XPO6: variants seen among roughly 807,000 people sequenced by gnomAD.
XPO6 encodes exportin-6.
XPO6 carries 3 observed loss-of-function variants against 130.0 expected under a neutral mutation model. That is an observed-to-expected ratio of 0.02 (90% CI 0.01 to 0.06). The LOEUF is 0.06. Among genes scored for constraint, XPO6 ranks in the 10% least tolerant of loss-of-function variants. The probability of loss-of-function intolerance (pLI) is 1.00; values close to 1 mark genes in which losing one functional copy is unlikely to be tolerated. For synonymous variants in XPO6, 524 were observed against 548.9 expected (o/e 0.95, Z 0.63); for missense variants, 970 against 1,393.0 (o/e 0.70, Z 4.83).
At chr16:28,175,274 G>A (rs971712771) in intron 4 of XPO6, among the ~76,000 whole-genome samples, 5 of 151,568 alleles carry the variant, frequency 3.3e-5, no homozygotes, top group African/African-American at 9.7e-5. Flanking sequence ...CTCTCACCTC[G>A]CCCCTCTGCA....
intron 17 of XPO6, among the ~76,000 whole-genome samples, chr16:28,110,862 T>A (rs890683204): frequency 6.6e-6 from 1 of 152,256 alleles, no homozygotes; most frequent in East Asian, 1.9e-4. Flanking sequence ...GACTTGACGA[T>A]GGATATAGAA....
chr16:28,117,512 T>C (rs555906897), intron 14 of XPO6, 50 bp from the exon 15 acceptor site: 1 of 1,592,178 alleles, frequency 6.3e-7, no homozygotes, highest in South Asian at 1.1e-5. Flanking sequence ...TGAAAATATA[T>C]TAGCGTTCAA....
intron 12 of XPO6, among the ~76,000 whole-genome samples, chr16:28,129,584 C>G (rs1222979334): frequency 2.6e-5 from 4 of 152,152 alleles, no homozygotes; most frequent in African/African-American, 9.7e-5. Flanking sequence ...AGCTCCTTGG[C>G]AATTCACTGC....
chr16:28,138,849 C>T (rs28667082), intron 9 of XPO6, among the ~76,000 whole-genome samples: 150,398 of 152,300 alleles, frequency 0.99, 74,300 homozygotes, highest in Middle Eastern at 1. Context: ...AGGGAAGCCA[C>T]GCCTAATGGT....
chr16:28,111,504 C>T, intron 17 of XPO6: 1 of 234,926 alleles, frequency 4.3e-6, no homozygotes, highest in Non-Finnish European at 8.5e-6. Flanking sequence ...GATCAATAAC[C>T]ACCTTAAGAT....
intron 21 of XPO6, among the ~76,000 whole-genome samples, chr16:28,103,151 C>T (rs1324130748): frequency 1.3e-5 from 2 of 152,188 alleles, no homozygotes; most frequent in Non-Finnish European, 2.9e-5. Context: ...CGTCCCCTCA[C>T]ACCCTCACCC....
chr16:28,109,990 T>G (rs1298114706), intron 17 of XPO6, among the ~76,000 whole-genome samples: 2 of 152,100 alleles, frequency 1.3e-5, no homozygotes, highest in Non-Finnish European at 1.5e-5. Flanking sequence ...TGAATCTGGG[T>G]GAGAGAGATG....
At position 28,176,061 on chromosome 16, in the gene XPO6, G is replaced by T; in HGVS notation, c.242C>A (p.Ser81Tyr). Residue 81 changes from serine to tyrosine, a missense_variant, in exon 4 of 24, where the codon TCT (serine) becomes TAT (tyrosine). Coordinates refer to ENST00000304658, the MANE Select transcript of XPO6 (RefSeq NM_015171.4). ...LINKMWLGVP[S>Y]QDKMEIRSCL... ...GCTACGGATTTCCATCTTATCCTGAGATGGGACCCCAAGCCACATTTTATT... is the reference window on the plus strand; with the variant it reads ...GCTACGGATTTCCATCTTATCCTGATATGGGACCCCAAGCCACATTTTATT... The T allele has an allele frequency of 6.2e-7, 1 of 1,614,174 alleles. No individual in the cohort carries two copies. Among genetic ancestry groups the T allele is most frequent in the East Asian group, 2.2e-5 (1 of 44,876 alleles).
At position 28,209,896 on chromosome 16, in the gene XPO6, T is replaced by C. The variant is rs150266990; in HGVS notation, c.3+1470A>G. Among the ~76,000 whole-genome samples, 3 of 152,122 alleles carry C rather than the reference T, an allele frequency of 2.0e-5. No individual in the cohort carries two copies. The East Asian group carries it at 5.8e-4, about 30-fold the overall frequency. The stretch of plus-strand genomic sequence containing the variant: ...GCTCACGCCTGTAATCCCAGCACTT[T>C]GGGAGGCTGAGGAGGACGGATCACT... On this transcript the variant is annotated intron_variant, in intron 1 of 23. Transcript: ENST00000304658.
At chr16:28,170,978 T>G (rs1462957830) in intron 4 of XPO6, among the ~76,000 whole-genome samples, 1 of 152,068 alleles carries the variant, frequency 6.6e-6, no homozygotes, top group Non-Finnish European at 1.5e-5. Flanking sequence ...TCTGTTGAGT[T>G]AATTGCTACA....
At position 28,166,537 on chromosome 16, in the gene XPO6, G is replaced by A. The variant is rs1229797183; in HGVS notation, c.614C>T (p.Pro205Leu). 7 of 1,593,310 alleles carry A rather than the reference G, an allele frequency of 4.4e-6. No homozygotes were observed. The highest frequency in any genetic ancestry group is 6.0e-6 in the Non-Finnish European group (7 of 1,169,092). ...TTCTCCTGAGGTCGGGGATGGTGGT[G>A]GAGTGGCAGCAGTAACACTGTGTTT... Reference protein sequence around the residue: ...WDKHSVTAATPPPSPTSGESG... With the variant: ...WDKHSVTAATLPPSPTSGESG... The change falls in exon 6 of 24, where the codon CCA becomes CTA. Residue 205 changes from proline (P) to leucine (L), a missense_variant. This residue lies in a region of XPO6 where 936 missense variants were observed against 1,306.8 expected (regional missense o/e 0.72). Transcript: ENST00000304658.
In XPO6 at chr16:28,153,889, C is replaced by A; in HGVS notation, c.1098-1104G>T. On this transcript the variant is annotated intron_variant, in intron 7 of 23. Coordinates refer to ENST00000304658, the MANE Select transcript of XPO6 (RefSeq NM_015171.4). ...CAAAACTGGCCCGGAAATAAAATGT[C>A]CCATGTTGCTCCTGGGACCTATCTC... is the stretch of plus-strand genomic sequence containing the variant. 3 of 985,390 alleles carry A rather than the reference C, an allele frequency of 3.0e-6. No individual in the cohort carries two copies. In the South Asian group the frequency reaches 1.4e-4, roughly 46 times the overall value. The allele number at this position is 985,390 out of a possible 1,614,324, so 61.0% of individuals were successfully genotyped here.
chr16:28,206,256 T>C (rs2141916893), intron 1 of XPO6, among the ~76,000 whole-genome samples: 1 of 152,138 alleles, frequency 6.6e-6, no homozygotes, highest in Non-Finnish European at 1.5e-5. Flanking sequence ...TTCATGATTA[T>C]TTGGCCTGGT....
At chr16:28,100,056 C>A (rs981251813) in intron 23 of XPO6, among the ~76,000 whole-genome samples, 1 of 152,086 alleles carries the variant, frequency 6.6e-6, no homozygotes, top group Non-Finnish European at 1.5e-5. Flanking sequence ...GGCACAACCT[C>A]CGCTCACTGC....
intron 1 of XPO6, among the ~76,000 whole-genome samples, chr16:28,204,165 C>T (rs965631934): frequency 2.0e-5 from 3 of 152,122 alleles, no homozygotes; most frequent in Non-Finnish European, 4.4e-5. Context: ...TCTTGGGATA[C>T]ATGAACAAAA....
intron 9 of XPO6, among the ~76,000 whole-genome samples, chr16:28,140,231 CAA>C (rs61153494): frequency 2.4e-4 from 14 of 58,972 alleles, no homozygotes; most frequent in Admixed American, 3.0e-4. Flanking sequence ...GACCCCATCT[CAA>C]AAAAAAAAAA....
At chr16:28,195,881 T>C (rs971290278) in intron 1 of XPO6, among the ~76,000 whole-genome samples, 36 of 152,228 alleles carry the variant, frequency 2.4e-4, no homozygotes, top group Non-Finnish European at 1.0e-4. Flanking sequence ...TACTAAGGTC[T>C]TATGTACTAG....
intron 14 of XPO6, among the ~76,000 whole-genome samples, chr16:28,118,514 C>T (rs762847417): frequency 4.6e-5 from 7 of 152,108 alleles, no homozygotes; most frequent in Non-Finnish European, 1.0e-4. Context: ...GTCCATGCCA[C>T]CATGCCAGGC....
At chr16:28,114,273 G>T in intron 15 of XPO6, among the ~76,000 whole-genome samples, 1 of 150,298 alleles carries the variant, frequency 6.7e-6, no homozygotes. Context: ...GAAAATGAAG[G>T]CATACTGTTA....
Sources: allele counts gnomAD v4.1 joint callset (sites outside exome capture counted in the v4.1 genomes callset), GRCh38; gene constraint gnomAD v4.1.1; regional missense constraint gnomAD v4.1.1; transcripts MANE v1.5; gene names NCBI Gene and HGNC (gene_info 2026-07-23, HGNC 2026-07-21).